Variants in KLHL14 observed in about 807,000 individuals in gnomAD.
The protein encoded by KLHL14 is kelch like family member 14.
KLHL14 carries 22 observed loss-of-function variants against 64.3 expected under a neutral mutation model. That is an observed-to-expected ratio of 0.34 (90% CI 0.24 to 0.49). The LOEUF (loss-of-function observed/expected upper bound fraction) is 0.49, where lower values mean the gene tolerates loss of function less well. Among genes scored for constraint, KLHL14 ranks in the 20% least tolerant of loss-of-function variants. The probability of loss-of-function intolerance (pLI) is 0.99; values close to 1 mark genes in which losing one functional copy is unlikely to be tolerated. For missense variants in KLHL14, 661 were observed against 789.0 expected, an observed-to-expected ratio of 0.84 and a Z score of 1.94; for synonymous variants, 322 against 333.4, an observed-to-expected ratio of 0.97 and a Z score of 0.37.
intron 8 of KLHL14, 81 bp downstream of exon 8, chr18:32,677,092 G>A: frequency 7.2e-7 from 1 of 1,391,806 alleles, no homozygotes; most frequent in Non-Finnish European, 9.9e-7. Flanking sequence ...GTACATGTGT[G>A]GAGGATAACA....
At chr18:32,708,159 C>T (rs1036697342) in intron 3 of KLHL14, among the ~76,000 whole-genome samples, 4 of 152,136 alleles carry the variant, frequency 2.6e-5, no homozygotes, top group African/African-American at 9.7e-5. Flanking sequence ...GTATTTCTGA[C>T]AAACTGCTTC....
intron 3 of KLHL14, among the ~76,000 whole-genome samples, chr18:32,713,398 A>G (rs1279247666): frequency 1.3e-5 from 2 of 152,182 alleles, no homozygotes; most frequent in African/African-American, 2.4e-5. Flanking sequence ...CCTTGGGCTC[A>G]TCCTGACTCC....
At chr18:32,750,728 T>C (rs2050246990) in intron 2 of KLHL14, among the ~76,000 whole-genome samples, 1 of 152,208 alleles carries the variant, frequency 6.6e-6, no homozygotes, top group Non-Finnish European at 1.5e-5. Context: ...AGAGCTGTAA[T>C]ATTTCTTAAA....
chr18:32,728,969 C>G (rs535921018), intron 3 of KLHL14, among the ~76,000 whole-genome samples: 1 of 152,296 alleles, frequency 6.6e-6, no homozygotes, highest in South Asian at 2.1e-4. Context: ...ACCTTCATTT[C>G]GGCTAGTTTG....
At chr18:32,769,067 C>A (rs1206767463) in intron 2 of KLHL14, among the ~76,000 whole-genome samples, 1 of 152,196 alleles carries the variant, frequency 6.6e-6, no homozygotes, top group Non-Finnish European at 1.5e-5. Context: ...CCAATAGTGA[C>A]CCTAATAGAC....
At chr18:32,720,321 A>T (rs1470295951) in intron 3 of KLHL14, among the ~76,000 whole-genome samples, 1 of 152,244 alleles carries the variant, frequency 6.6e-6, no homozygotes, top group Non-Finnish European at 1.5e-5. Context: ...GAATGGAAAC[A>T]GAAGATCATA....
intron 2 of KLHL14, among the ~76,000 whole-genome samples, chr18:32,758,797 C>A (rs1193735566): frequency 5.3e-5 from 8 of 152,046 alleles, no homozygotes; most frequent in Non-Finnish European, 1.0e-4. Flanking sequence ...CATAGATGAA[C>A]CTTGCAAATA....
intron 2 of KLHL14, among the ~76,000 whole-genome samples, chr18:32,752,955 TTGTGTGTGTG>T (rs71177874): frequency 0.26 from 36,696 of 142,260 alleles, 4,698 homozygotes; most frequent in Non-Finnish European, 0.29. Context: ...AGCATCATAT[TTGTGTGTGTG>T]TGTGTGTGTG....
intron 2 of KLHL14, among the ~76,000 whole-genome samples, chr18:32,762,372 T>G (rs1202648793): frequency 6.6e-6 from 1 of 152,114 alleles, no homozygotes; most frequent in East Asian, 1.9e-4. Context: ...CTTTAGAAAT[T>G]TCTTGCCCAT....
chr18:32,674,804 T>C lies in KLHL14; in HGVS notation c.1747-7A>G. 3.8e-6 allele frequency: 3 copies of C among 780,122 alleles called. No individual in the cohort carries two copies. In the South Asian group the frequency reaches 4.0e-5, roughly 10 times the overall value. 48.3% of individuals were successfully genotyped at this position (780,122 alleles called of 1,614,324 possible). On this transcript the variant is annotated splice_polypyrimidine_tract_variant and splice_region_variant and intron_variant, in intron 8 of 8. Coordinates refer to ENST00000359358, the MANE Select transcript of KLHL14 (RefSeq NM_020805.3). ...TAGATGACTTGTAGGCCCCCTGTAATGACAGAGGAGGGAGCATTTAGAGAA... is the reference window on the plus strand; with the variant it reads ...TAGATGACTTGTAGGCCCCCTGTAACGACAGAGGAGGGAGCATTTAGAGAA...
At chr18:32,732,402 G>A (rs1048789964) in intron 3 of KLHL14, among the ~76,000 whole-genome samples, 3 of 152,186 alleles carry the variant, frequency 2.0e-5, no homozygotes, top group Non-Finnish European at 4.4e-5. Flanking sequence ...AGTGAAACAA[G>A]TATTTGGGAA....
intron 3 of KLHL14, among the ~76,000 whole-genome samples, chr18:32,739,734 T>C (rs1400206736): frequency 6.6e-6 from 1 of 152,124 alleles, no homozygotes; most frequent in Non-Finnish European, 1.5e-5. Context: ...CTTTTCTCTT[T>C]ACTTCTTAAT....
chr18:32,759,811 T>A, intron 2 of KLHL14, among the ~76,000 whole-genome samples: 1 of 152,056 alleles, frequency 6.6e-6, no homozygotes, highest in East Asian at 1.9e-4. Flanking sequence ...GTTGCTATAG[T>A]AACCAATCCA....
chr18:32,710,442 C>G (rs983601224), intron 3 of KLHL14, among the ~76,000 whole-genome samples: 1 of 152,142 alleles, frequency 6.6e-6, no homozygotes, highest in South Asian at 2.1e-4. Flanking sequence ...TTAAGAGTTA[C>G]ATTGGTTTAC....
At chr18:32,771,616 G>A (rs564509247) in intron 1 of KLHL14, among the ~76,000 whole-genome samples, 3 of 152,242 alleles carry the variant, frequency 2.0e-5, no homozygotes, top group Non-Finnish European at 4.4e-5. Context: ...GAGGACTCAG[G>A]GGGAGGAAGT....
chr18:32,717,433 A>G (rs1448133446), intron 3 of KLHL14, among the ~76,000 whole-genome samples: 1 of 152,186 alleles, frequency 6.6e-6, no homozygotes, highest in Non-Finnish European at 1.5e-5. Context: ...AAGGGCTACT[A>G]TGAGACTCCC....
intron 2 of KLHL14, among the ~76,000 whole-genome samples, chr18:32,755,294 T>C (rs2050276183): frequency 6.6e-6 from 1 of 152,150 alleles, no homozygotes. Context: ...CAATATTCTT[T>C]TCATTATCAG....
intron 3 of KLHL14, among the ~76,000 whole-genome samples, chr18:32,708,110 G>A (rs2144497502): frequency 6.6e-6 from 1 of 152,312 alleles, no homozygotes; most frequent in South Asian, 2.1e-4. Context: ...GGCCTCATAT[G>A]TGAAGCTCAT....
At chr18:32,691,209 G>T (rs1320367943) in intron 4 of KLHL14, among the ~76,000 whole-genome samples, 1 of 152,176 alleles carries the variant, frequency 6.6e-6, no homozygotes, top group Non-Finnish European at 1.5e-5. Flanking sequence ...GACGATATCT[G>T]CCTCCTCCTG....
Sources: allele counts gnomAD v4.1 joint callset (sites outside exome capture counted in the v4.1 genomes callset), GRCh38; gene constraint gnomAD v4.1.1; transcripts MANE v1.5; gene names NCBI Gene and HGNC (gene_info 2026-07-23, HGNC 2026-07-21).